LRP2BP: variants seen among roughly 807,000 people sequenced by gnomAD.
LRP2BP encodes LRP2-binding protein.
In LRP2BP, 38 loss-of-function variants were observed where a neutral mutation model predicts 45.2. That is an observed-to-expected ratio of 0.84 (90% CI 0.65 to 1.10). The LOEUF is 1.10. LRP2BP is among the 50% of genes least tolerant of loss of function. LRP2BP has a pLI of 0.00. For missense variants in LRP2BP, 385 were observed against 418.9 expected, an observed-to-expected ratio of 0.92 and a Z score of 0.71; for synonymous variants, 153 against 153.9, an observed-to-expected ratio of 0.99 and a Z score of 0.04.
chr4:185,394,833 A>C lies in LRP2BP; in HGVS notation c.-76T>G, dbSNP rs1227016568. 1 of 985,354 alleles carries C rather than the reference A, an allele frequency of 1.0e-6. No individual in the cohort carries two copies. Among genetic ancestry groups the C allele is most frequent in the Non-Finnish European group, 1.2e-6 (1 of 829,952 alleles). The allele number at this position is 985,354 out of a possible 1,614,324, so 61.0% of individuals were successfully genotyped here. Reference sequence around the variant, plus strand: ...CTGTAAATGGCATCCTCGTTCTGGAAACGCATCTACCAGCAATTAAAACAT... The same window carrying C: ...CTGTAAATGGCATCCTCGTTCTGGACACGCATCTACCAGCAATTAAAACAT... On this transcript the variant is annotated 5_prime_UTR_variant, in exon 1 of 9. Transcript: ENST00000505916.
rs1185337080 is a variant in LRP2BP, at chr4:185,364,730, T to TA, written c.*2449dup. Reference sequence around the variant, plus strand: ...AAAAATACCCAAAGTTGGCTATTGATAAAAATTATCCTTCAAAAGACTATA... The same window carrying TA: ...AAAAATACCCAAAGTTGGCTATTGATAAAAAATTATCCTTCAAAAGACTATA... On this transcript the variant is annotated 3_prime_UTR_variant, in exon 9 of 9. Transcript: ENST00000505916. The TA allele has an allele frequency of 1.3e-5, 2 of 152,128 alleles. No individual in the cohort carries two copies. The highest frequency in any genetic ancestry group is 4.8e-5 in the African/African-American group (2 of 41,418). 9.4% of individuals were successfully genotyped at this position (152,128 alleles called of 1,614,324 possible).
chr4:185,375,487 A>AAAAAAAAAAAAAAT (rs1554018308), intron 4 of LRP2BP, 126 bp downstream of exon 4: 1 of 12,010 alleles, frequency 8.3e-5, no homozygotes, highest in Non-Finnish European at 1.5e-4. Flanking sequence ...AAAAAAAAAA[A>AAAAAAAAAAAAAAT]ATATATATAT....
At chr4:185,387,368 A>C (rs2095474837) in intron 1 of LRP2BP, among the ~76,000 whole-genome samples, 1 of 152,258 alleles carries the variant, frequency 6.6e-6, no homozygotes, top group African/African-American at 2.4e-5. Context: ...ACAATGTACA[A>C]ATAACATATA....
chr4:185,384,607 A>G (rs1253249819), intron 1 of LRP2BP, among the ~76,000 whole-genome samples: 3 of 151,042 alleles, frequency 2.0e-5, no homozygotes, highest in African/African-American at 7.3e-5. Flanking sequence ...GAGGTTCAAC[A>G]CTGAAGTTCC....
rs1196597410 is a variant in LRP2BP at position 185,395,287 on chromosome 4, CCACA to C, written c.-534_-531del. The C allele has an allele frequency of 2.0e-6, 2 of 985,330 alleles. No individual in the cohort carries two copies. Among genetic ancestry groups the C allele is most frequent in the South Asian group, 4.7e-5 (1 of 21,292 alleles). The allele number at this position is 985,330 out of a possible 1,614,324, so 61.0% of individuals were successfully genotyped here. The stretch of plus-strand genomic sequence containing the variant: ...GATATGAAATATGGAGGCACTTTCA[CCACA>C]CAAATATCCCACTACATATGCTAAC... On this transcript the variant is annotated 5_prime_UTR_variant, in exon 1 of 9. Transcript: ENST00000505916.
intron 4 of LRP2BP, 109 bp downstream of exon 4, chr4:185,375,504 A>ACATATATG (rs2095433131): frequency 1.3e-5 from 1 of 79,892 alleles, no homozygotes; most frequent in Non-Finnish European, 2.2e-5. Context: ...ATATATATAT[A>ACATATATG]TATATATATA....
intron 1 of LRP2BP, chr4:185,379,122 C>G (rs2095447750): frequency 3.4e-6 from 1 of 294,366 alleles, no homozygotes. Flanking sequence ...TTTTAAGAGT[C>G]AATTTCCTCA....
chr4:185,387,510 G>C (rs2095475175), intron 1 of LRP2BP, among the ~76,000 whole-genome samples: 1 of 152,170 alleles, frequency 6.6e-6, no homozygotes, highest in Admixed American at 6.5e-5. Flanking sequence ...ACAGTCTCAG[G>C]CGTGTGCAGC....
chr4:185,377,233 A>G, intron 2 of LRP2BP: 1 of 503,282 alleles, frequency 2.0e-6, no homozygotes, highest in Non-Finnish European at 3.6e-6. Context: ...ATAAAGCAAT[A>G]CTGGCCGGGC....
rs768537638 is a variant in LRP2BP at position 185,374,129 on chromosome 4, C to T, written c.579+6G>A. On this transcript the variant is annotated splice_donor_region_variant and intron_variant, in intron 6 of 8. Coordinates refer to ENST00000505916, the MANE Select transcript of LRP2BP (RefSeq NM_001377440.1). ...AACACTAGCATTAAAAAAGAGGGAA[C>T]GTTACCTTTTCTAACTCCTTGGGCT... 17 of 1,608,496 alleles carry T rather than the reference C, an allele frequency of 1.1e-5. No individual in the cohort carries two copies. Among genetic ancestry groups the T allele is most frequent in the East Asian group, 2.2e-5 (1 of 44,850 alleles).
At position 185,370,665 on chromosome 4, in the gene LRP2BP, G is replaced by A; in HGVS notation, c.953C>T (p.Thr318Ile). 6.2e-7 allele frequency: 1 copy of A among 1,613,998 alleles called. No homozygotes were observed. ...TTTAGAATAATAGTGTTTAGCGGTT[G>A]TTTCATCCCTGGTGATGCCCAAGCC... Reference protein sequence around the residue: ...QLGLGITRDETTAKHYYSKAC... With the variant: ...QLGLGITRDEITAKHYYSKAC... Residue 318 changes from threonine to isoleucine, a missense_variant, in exon 8 of 9, where the codon ACA (threonine) becomes ATA (isoleucine). By Grantham distance (89) the Thr-to-Ile change is moderately conservative. Transcript: ENST00000505916.
intron 8 of LRP2BP, among the ~76,000 whole-genome samples, chr4:185,368,886 C>G (rs922968777): frequency 2.0e-5 from 3 of 150,202 alleles, no homozygotes; most frequent in African/African-American, 7.4e-5. Flanking sequence ...CTCCTCCTTG[C>G]AGGTTCAAGC....
At chr4:185,385,108 T>A (rs2095467154) in intron 1 of LRP2BP, among the ~76,000 whole-genome samples, 1 of 152,136 alleles carries the variant, frequency 6.6e-6, no homozygotes, top group Non-Finnish European at 1.5e-5. Flanking sequence ...TTTGATTTTA[T>A]TTTTCTCTGA....
At chr4:185,396,971 G>A (rs1212271970), upstream of LRP2BP, 12 of 1,613,172 alleles carry the variant, frequency 7.4e-6, no homozygotes, top group South Asian at 1.1e-5. Context: ...GGCTCACAGA[G>A]CCCGAGCTTT....
intron 3 of LRP2BP, 141 bp from the exon 4 acceptor site, chr4:185,375,867 G>C (rs370837156): frequency 2.1e-6 from 1 of 484,104 alleles, no homozygotes; most frequent in Non-Finnish European, 3.7e-6. Context: ...CATGCCCCAC[G>C]CTGAGGAAGC....
chr4:185,375,363 G>A (rs2095429651), intron 4 of LRP2BP, among the ~76,000 whole-genome samples: 1 of 141,370 alleles, frequency 7.1e-6, no homozygotes, highest in Non-Finnish European at 1.5e-5. Flanking sequence ...GGCTGAGGCA[G>A]AAGAATCACT....
Position 185,395,590 on chromosome 4 carries a change from T to C in LRP2BP, c.-833A>G. On this transcript the variant is annotated 5_prime_UTR_variant, in exon 1 of 9. Coordinates refer to ENST00000505916, the MANE Select transcript of LRP2BP (RefSeq NM_001377440.1). The stretch of plus-strand genomic sequence containing the variant: ...TAAAAATGTGGAATATAAGAACGAT[T>C]CTATATATTTGAACACACATTTATA... 1.0e-6 allele frequency: 1 copy of C among 980,286 alleles called. No individual in the cohort carries two copies. Among genetic ancestry groups the C allele is most frequent in the Non-Finnish European group, 1.2e-6 (1 of 825,230 alleles). 60.7% of individuals were successfully genotyped at this position (980,286 alleles called of 1,614,324 possible).
chr4:185,387,803 A>G (rs557608258), intron 1 of LRP2BP, among the ~76,000 whole-genome samples: 10 of 152,304 alleles, frequency 6.6e-5, no homozygotes, highest in African/African-American at 2.4e-4. Flanking sequence ...TCTTCACACC[A>G]GAGCTCGAGA....
In LRP2BP at chr4:185,372,853, C is replaced by G; in HGVS notation, c.803+3G>C. ...GCAGCACAGAACAGACAAAGACATT[C>G]ACCTTTTGGAAAATGCAACACACTT... On this transcript the variant is annotated splice_donor_region_variant and intron_variant, in intron 7 of 8. Coordinates refer to ENST00000505916, the MANE Select transcript of LRP2BP (RefSeq NM_001377440.1). The G allele has an allele frequency of 6.3e-7, 1 of 1,594,906 alleles. No individual in the cohort carries two copies. The highest frequency in any genetic ancestry group is 8.6e-7 in the Non-Finnish European group (1 of 1,164,012).
Sources: gnomAD v4.1 joint callset for allele counts (sites outside exome capture counted in the v4.1 genomes callset) on GRCh38, gnomAD v4.1.1 for gene constraint, MANE v1.5 for transcripts, NCBI Gene and HGNC (gene_info 2026-07-23, HGNC 2026-07-21) for gene names.